PGCKA1: variants seen among roughly 807,000 people sequenced by gnomAD.
PGCKA1 encodes the protein PDCD10 and GCKIII kinases-associated protein 1.
At chr4:37,488,391 T>C in the PGCKA1 span, among the ~76,000 whole-genome samples, 2 of 152,252 alleles carry the variant, frequency 1.3e-5, no homozygotes, top group East Asian at 3.9e-4. Context: ...AGTCATGCCA[T>C]GTGATAAATC....
At chr4:37,547,055 C>T in the PGCKA1 span, among the ~76,000 whole-genome samples, 4 of 151,866 alleles carry the variant, frequency 2.6e-5, no homozygotes, top group Non-Finnish European at 5.9e-5. Flanking sequence ...CAGGACTGGT[C>T]TTGGGAACTT....
the PGCKA1 span, among the ~76,000 whole-genome samples, chr4:37,564,315 C>T: frequency 2.0e-5 from 3 of 151,060 alleles, no homozygotes; most frequent in South Asian, 2.1e-4. Context: ...CGAATATTCT[C>T]GCAGACAATT....
the PGCKA1 span, among the ~76,000 whole-genome samples, chr4:37,557,261 T>A: frequency 2.6e-5 from 4 of 152,242 alleles, no homozygotes; most frequent in Non-Finnish European, 4.4e-5. Flanking sequence ...GTTTTTGTTG[T>A]TGTTTTGTTT....
the PGCKA1 span, among the ~76,000 whole-genome samples, chr4:37,476,685 G>A: frequency 2.6e-5 from 4 of 152,042 alleles, no homozygotes; most frequent in Non-Finnish European, 5.9e-5. Context: ...GATCGTTGTT[G>A]GTTTAGAAGC....
the PGCKA1 span, among the ~76,000 whole-genome samples, chr4:37,536,245 A>G: frequency 6.6e-6 from 1 of 152,238 alleles, no homozygotes; most frequent in Non-Finnish European, 1.5e-5. Context: ...AGATCCTATT[A>G]GGACTTTGAC....
the PGCKA1 span, among the ~76,000 whole-genome samples, chr4:37,557,321 C>A: frequency 1.3e-5 from 2 of 152,080 alleles, no homozygotes; most frequent in African/African-American, 4.8e-5. Flanking sequence ...AGAGAAGAGG[C>A]ACATTGTCAT....
At chr4:37,524,959 CT>C in the PGCKA1 span, among the ~76,000 whole-genome samples, 2 of 152,194 alleles carry the variant, frequency 1.3e-5, no homozygotes, top group Non-Finnish European at 2.9e-5. Flanking sequence ...TTCAGCTTCT[CT>C]GACGATTCAG....
chr4:37,516,267 G>A, the PGCKA1 span, among the ~76,000 whole-genome samples: 1 of 152,176 alleles, frequency 6.6e-6, no homozygotes. Flanking sequence ...TTGTAGAAAA[G>A]CTCCTGACAA....
chr4:37,557,973 T>C, the PGCKA1 span: 1 of 152,154 alleles, frequency 6.6e-6, no homozygotes, highest in Non-Finnish European at 1.5e-5. Flanking sequence ...AATACCTGAC[T>C]GTGAAAAGAA....
At chr4:37,521,503 C>T in the PGCKA1 span, among the ~76,000 whole-genome samples, 2 of 152,102 alleles carry the variant, frequency 1.3e-5, no homozygotes, top group African/African-American at 4.8e-5. Context: ...TCCAAAATTG[C>T]TCTTGTTATT....
chr4:37,588,146 G>A, the PGCKA1 span: 1 of 152,252 alleles, frequency 6.6e-6, no homozygotes, highest in South Asian at 2.1e-4. Context: ...CCAGCTTGGG[G>A]AGGGGTCAGG....
chr4:37,497,874 G>A, the PGCKA1 span, among the ~76,000 whole-genome samples: 1 of 152,054 alleles, frequency 6.6e-6, no homozygotes, highest in Non-Finnish European at 1.5e-5. Context: ...TGCAAAAGCT[G>A]TTTAGTTTAA....
the PGCKA1 span, among the ~76,000 whole-genome samples, chr4:37,481,964 G>A: frequency 0.095 from 14,438 of 152,102 alleles, 985 homozygotes; most frequent in South Asian, 0.26. Context: ...GCTCTCATTC[G>A]CCTTCCTTCT....
At chr4:37,584,735 G>A in the PGCKA1 span, among the ~76,000 whole-genome samples, 21,065 of 152,028 alleles carry the variant, frequency 0.14, 3,170 homozygotes, top group African/African-American at 0.36. Context: ...ATCTTGGTCA[G>A]CCTCCGAGGA....
At chr4:37,585,272 G>A in the PGCKA1 span, among the ~76,000 whole-genome samples, 15 of 2,508 alleles carry the variant, frequency 6.0e-3, 1 homozygote, top group Non-Finnish European at 0.01. Flanking sequence ...ATTGAGGGAG[G>A]GGAGGGGAGA....
the PGCKA1 span, among the ~76,000 whole-genome samples, chr4:37,587,692 G>A: frequency 3.9e-5 from 6 of 152,174 alleles, no homozygotes; most frequent in South Asian, 2.1e-4. Context: ...CTGTAGGCCC[G>A]TCACAGTGGC....
the PGCKA1 span, among the ~76,000 whole-genome samples, chr4:37,516,514 A>T: frequency 6.6e-6 from 1 of 152,236 alleles, no homozygotes; most frequent in East Asian, 1.9e-4. Context: ...AGGTAAACAG[A>T]TATCAGTAGG....
the PGCKA1 span, among the ~76,000 whole-genome samples, chr4:37,472,089 G>A: frequency 2.6e-5 from 4 of 152,144 alleles, no homozygotes; most frequent in African/African-American, 4.8e-5. Flanking sequence ...ACATTCTTTC[G>A]GTTCTTGGAA....
At chr4:37,528,463 CTG>C in the PGCKA1 span, among the ~76,000 whole-genome samples, 1 of 152,186 alleles carries the variant, frequency 6.6e-6, no homozygotes, top group Non-Finnish European at 1.5e-5. Flanking sequence ...TTCTAAGACA[CTG>C]TTGGGATTTT....
Sources: allele counts gnomAD v4.1 joint callset (sites outside exome capture counted in the v4.1 genomes callset), GRCh38; gene constraint gnomAD v4.1.1; transcripts MANE v1.5; gene names NCBI Gene and HGNC (gene_info 2026-07-23, HGNC 2026-07-21).